The following SLC35F3 variants were observed in gnomAD, a reference collection of about 807,000 sequenced individuals.
SLC35F3 encodes the protein putative thiamine transporter SLC35F3.
A neutral mutation model predicts 49.9 loss-of-function variants in SLC35F3; 25 were observed. The observed-to-expected ratio is 0.50, with a 90% CI of 0.37 to 0.70. The LOEUF (loss-of-function observed/expected upper bound fraction) is 0.70, where lower values mean the gene tolerates loss of function less well. Ranked by LOEUF, SLC35F3 falls within the 30% of genes least tolerant of loss-of-function variation. SLC35F3 has a pLI of 0.00. For missense variants in SLC35F3, 525 were observed against 639.8 expected, an observed-to-expected ratio of 0.82 and a Z score of 1.94; for synonymous variants, 275 against 265.4, an observed-to-expected ratio of 1.04 and a Z score of -0.35.
intron 2 of SLC35F3, among the ~76,000 whole-genome samples, chr1:234,015,518 A>C (rs578169920): frequency 6.6e-6 from 1 of 152,158 alleles, no homozygotes; most frequent in Non-Finnish European, 1.5e-5. Flanking sequence ...ATTTTCAGTC[A>C]ATTGATTTTC....
At chr1:234,298,630 C>T (rs140139092) in intron 3 of SLC35F3, among the ~76,000 whole-genome samples, 14 of 152,196 alleles carry the variant, frequency 9.2e-5, no homozygotes, top group African/African-American at 3.1e-4. Flanking sequence ...GTGCCCCATT[C>T]CAGACCTGCT....
intron 2 of SLC35F3, among the ~76,000 whole-genome samples, chr1:234,041,117 A>G (rs1664213414): frequency 6.6e-6 from 1 of 152,230 alleles, no homozygotes; most frequent in Admixed American, 6.5e-5. Flanking sequence ...TGTCATCAAC[A>G]TCATTACTCT....
At chr1:233,942,023 C>A (rs758636256) in intron 2 of SLC35F3, among the ~76,000 whole-genome samples, 1 of 147,984 alleles carries the variant, frequency 6.8e-6, no homozygotes, top group South Asian at 2.2e-4. Context: ...TTCAGTGGCA[C>A]GATCTCGGAT....
intron 2 of SLC35F3, among the ~76,000 whole-genome samples, chr1:234,205,529 C>T (rs1666956886): frequency 6.6e-6 from 1 of 152,220 alleles, no homozygotes; most frequent in Admixed American, 6.5e-5. Context: ...CTCCCTCCCA[C>T]TTGGAGAATC....
chr1:234,003,958 G>C (rs1383190665), intron 2 of SLC35F3, among the ~76,000 whole-genome samples: 4 of 152,160 alleles, frequency 2.6e-5, no homozygotes, highest in Admixed American at 2.6e-4. Flanking sequence ...AATATGGACA[G>C]CTGGCAATGT....
chr1:234,228,350 G>A (rs964632877), intron 2 of SLC35F3, among the ~76,000 whole-genome samples: 1 of 152,146 alleles, frequency 6.6e-6, no homozygotes, highest in Non-Finnish European at 1.5e-5. Flanking sequence ...CACTGGCCAC[G>A]CTCTCTGCAG....
intron 2 of SLC35F3, among the ~76,000 whole-genome samples, chr1:234,068,815 T>A (rs9435553): frequency 0.68 from 60,223 of 88,906 alleles, 20,330 homozygotes; most frequent in African/African-American, 0.75. Context: ...AGGATAAGAT[T>A]TGAGACATTA....
intron 2 of SLC35F3, among the ~76,000 whole-genome samples, chr1:234,006,356 G>A (rs913600965): frequency 6.6e-6 from 1 of 152,156 alleles, no homozygotes; most frequent in Non-Finnish European, 1.5e-5. Flanking sequence ...AAGAGATAGA[G>A]TGATTTATTT....
chr1:233,921,468 T>G (rs1431545001), intron 2 of SLC35F3, among the ~76,000 whole-genome samples: 1 of 152,158 alleles, frequency 6.6e-6, no homozygotes, highest in Non-Finnish European at 1.5e-5. Context: ...TACAAATATC[T>G]AATGACGTTT....
chr1:234,268,462 A>AGG (rs2102972898), intron 3 of SLC35F3: 1 of 151,310 alleles, frequency 6.6e-6, no homozygotes, highest in East Asian at 1.9e-4. Flanking sequence ...CCGTGGAGAG[A>AGG]GGGAGAGGGA....
intron 2 of SLC35F3, among the ~76,000 whole-genome samples, chr1:234,105,261 G>A (rs1213046957): frequency 6.6e-6 from 1 of 152,156 alleles, no homozygotes; most frequent in Non-Finnish European, 1.5e-5. Context: ...GGATAACTGG[G>A]GAAAGAAGGA....
chr1:234,153,160 A>C (rs751279053), intron 2 of SLC35F3, among the ~76,000 whole-genome samples: 11 of 152,244 alleles, frequency 7.2e-5, no homozygotes, highest in Admixed American at 1.3e-4. Flanking sequence ...TATTGTTCTC[A>C]TGAACACTTC....
At chr1:233,930,046 G>A (rs895621080) in intron 2 of SLC35F3, among the ~76,000 whole-genome samples, 2 of 152,036 alleles carry the variant, frequency 1.3e-5, no homozygotes, top group African/African-American at 4.8e-5. Flanking sequence ...CTACTCAGGA[G>A]ACTGAGGTGG....
intron 2 of SLC35F3, among the ~76,000 whole-genome samples, chr1:234,199,852 A>G (rs1385437018): frequency 6.6e-6 from 1 of 152,278 alleles, no homozygotes; most frequent in Non-Finnish European, 1.5e-5. Context: ...GCATTTGTCA[A>G]AAGAAGAGAT....
intron 2 of SLC35F3, among the ~76,000 whole-genome samples, chr1:234,114,858 G>C (rs1490109862): frequency 6.6e-6 from 1 of 151,998 alleles, no homozygotes; most frequent in Non-Finnish European, 1.5e-5. Flanking sequence ...CTTGAGATGC[G>C]GCGTGCATTT....
At chr1:234,125,314 C>G (rs1665630744) in intron 2 of SLC35F3, among the ~76,000 whole-genome samples, 1 of 152,206 alleles carries the variant, frequency 6.6e-6, no homozygotes, top group Admixed American at 6.5e-5. Flanking sequence ...ACAACATAAG[C>G]TTGTTTCTCA....
chr1:234,140,047 C>A (rs1471852010), intron 2 of SLC35F3, among the ~76,000 whole-genome samples: 2 of 150,096 alleles, frequency 1.3e-5, no homozygotes, highest in Admixed American at 6.7e-5. Flanking sequence ...AACTGTCTAT[C>A]TGATAGCAGA....
At chr1:234,164,429 C>T (rs1666281768) in intron 2 of SLC35F3, among the ~76,000 whole-genome samples, 1 of 151,088 alleles carries the variant, frequency 6.6e-6, no homozygotes, top group South Asian at 2.1e-4. Context: ...TTTTCCTCTC[C>T]CTCTCTTCCT....
At chr1:234,040,618 G>C (rs1664205411) in intron 2 of SLC35F3, among the ~76,000 whole-genome samples, 1 of 152,244 alleles carries the variant, frequency 6.6e-6, no homozygotes, top group African/African-American at 2.4e-5. Flanking sequence ...TGGGTTGGCT[G>C]CATCAACTGC....
Sources: allele counts gnomAD v4.1 joint callset (sites outside exome capture counted in the v4.1 genomes callset), GRCh38; gene constraint gnomAD v4.1.1; transcripts MANE v1.5; gene names NCBI Gene and HGNC (gene_info 2026-07-23, HGNC 2026-07-21).